Variants in CHRM5 observed in about 807,000 individuals in gnomAD.
The protein encoded by CHRM5 is cholinergic receptor muscarinic 5, also known as muscarinic acetylcholine receptor M5.
In CHRM5, 18 loss-of-function variants were observed where a neutral mutation model predicts 39.0. The ratio of observed to expected loss-of-function variants is 0.46; its 90% confidence interval spans 0.32 to 0.68. The LOEUF (loss-of-function observed/expected upper bound fraction) is 0.68, where lower values mean the gene tolerates loss of function less well. Ranked by LOEUF, CHRM5 falls within the 30% of genes least tolerant of loss-of-function variation. CHRM5 has a pLI of 0.04. For synonymous variants in CHRM5, 241 were observed against 246.3 expected, an observed-to-expected ratio of 0.98 and a Z score of 0.20; for missense variants, 515 against 651.1, an observed-to-expected ratio of 0.79 and a Z score of 2.28.
chr15:34,035,122 G>A (rs958137437), intron 1 of CHRM5, among the ~76,000 whole-genome samples: 1 of 152,094 alleles, frequency 6.6e-6, no homozygotes, highest in South Asian at 2.1e-4. Context: ...AAATGTCAAC[G>A]CCATCGGGTA....
intron 1 of CHRM5, among the ~76,000 whole-genome samples, chr15:34,028,131 A>G (rs1341284917): frequency 1.3e-5 from 2 of 152,248 alleles, no homozygotes; most frequent in African/African-American, 4.8e-5. Context: ...GGGAGACTTC[A>G]TGCTTCAAGC....
At chr15:34,038,867 G>A in intron 1 of CHRM5, 1 of 1,152,142 alleles carries the variant, frequency 8.7e-7, no homozygotes, top group Non-Finnish European at 1.1e-6. Flanking sequence ...CGCGAGCGCC[G>A]CGGAAGCCCC....
At position 34,063,009 on chromosome 15, in the gene CHRM5, C is replaced by T. The variant is rs777258099; in HGVS notation, c.292C>T (p.Leu98Phe). The change falls in exon 3 of 3, where the codon CTC becomes TTC. Residue 98 changes from leucine (L) to phenylalanine (F), a missense_variant. Transcript: ENST00000383263. This position sits in a 1 kb window ranked among gnomAD's most constrained non-coding sequence, Gnocchi z 4.1. ...TTYILMGRWA[L>F]GSLACDLWLA... ...CTACATCCTCATGGGACGCTGGGCT[C>T]TCGGGAGTCTGGCTTGTGACCTTTG... The T allele has an allele frequency of 2.6e-5, 42 of 1,614,112 alleles. No individual in the cohort carries two copies. The highest frequency in any genetic ancestry group is 3.5e-5 in the Non-Finnish European group (41 of 1,180,048).
intron 2 of CHRM5, among the ~76,000 whole-genome samples, chr15:34,052,330 A>G (rs1042761814): frequency 6.6e-6 from 1 of 151,948 alleles, no homozygotes; most frequent in Non-Finnish European, 1.5e-5. Flanking sequence ...TAAGCTAGGT[A>G]TTTAAAAAAC....
intron 2 of CHRM5, among the ~76,000 whole-genome samples, chr15:34,053,186 G>T (rs1443923852): frequency 6.6e-6 from 1 of 150,398 alleles, no homozygotes; most frequent in Non-Finnish European, 1.5e-5. Flanking sequence ...TACAGTCCCA[G>T]CTACTCAGGA....
chr15:34,035,202 T>C (rs574550380), intron 1 of CHRM5, among the ~76,000 whole-genome samples: 12 of 152,340 alleles, frequency 7.9e-5, no homozygotes, highest in African/African-American at 2.4e-4. Flanking sequence ...AGATTCTACT[T>C]TTTAGTACAA....
At chr15:34,027,813 T>A in intron 1 of CHRM5, among the ~76,000 whole-genome samples, 1 of 118,836 alleles carries the variant, frequency 8.4e-6, no homozygotes, top group African/African-American at 3.1e-5. Flanking sequence ...GAGGCAAGGA[T>A]CAGGTGAGGC....
intron 1 of CHRM5, among the ~76,000 whole-genome samples, chr15:34,034,076 C>T (rs1042356149): frequency 2.6e-5 from 4 of 152,154 alleles, no homozygotes; most frequent in Admixed American, 6.5e-5. Context: ...TGAGCCACTG[C>T]GCCCAGCCTA....
chr15:34,035,595 G>A lies in CHRM5; in HGVS notation c.-407-10945G>A, dbSNP rs561759446. Reference sequence around the variant, plus strand: ...TCTCCTAACTGTGAGTTATTTAACGGTGCCTCAGCTGTCTCATCTTATATT... The same window carrying A: ...TCTCCTAACTGTGAGTTATTTAACGATGCCTCAGCTGTCTCATCTTATATT... On this transcript the variant is annotated intron_variant, in intron 1 of 2. Transcript: ENST00000383263. Among the ~76,000 whole-genome samples the A allele has an allele frequency of 8.5e-5, 13 of 152,166 alleles. No homozygotes were observed. In the East Asian group the frequency reaches 1.3e-3, roughly 16 times the overall value.
At chr15:34,000,901 A>G (rs1220778562) in intron 1 of CHRM5, among the ~76,000 whole-genome samples, 1 of 152,216 alleles carries the variant, frequency 6.6e-6, no homozygotes, top group Non-Finnish European at 1.5e-5. Context: ...AAGCAAAGAG[A>G]CTACAAGAAA....
intron 1 of CHRM5, among the ~76,000 whole-genome samples, chr15:33,986,120 T>C (rs2140547478): frequency 6.7e-6 from 1 of 150,026 alleles, no homozygotes; most frequent in South Asian, 2.2e-4. Context: ...TGTTTTTTGT[T>C]TTTTGAGATG....
At chr15:34,036,469 T>C (rs142960399) in intron 1 of CHRM5, among the ~76,000 whole-genome samples, 31 of 152,314 alleles carry the variant, frequency 2.0e-4, no homozygotes, top group Admixed American at 1.6e-3. Flanking sequence ...TACTCTCTCC[T>C]TGGGGCACAA....
chr15:33,985,637 C>T (rs1287414697), intron 1 of CHRM5, among the ~76,000 whole-genome samples: 1 of 151,980 alleles, frequency 6.6e-6, no homozygotes, highest in African/African-American at 2.4e-5. Context: ...GAAAGGCAGG[C>T]ACTGTGTTGT....
intron 1 of CHRM5, among the ~76,000 whole-genome samples, chr15:34,042,168 C>A (rs1899499261): frequency 6.6e-6 from 1 of 152,126 alleles, no homozygotes; most frequent in African/African-American, 2.4e-5. Context: ...CAACCAGAGA[C>A]CTTTGGATTG....
intron 1 of CHRM5, among the ~76,000 whole-genome samples, chr15:34,029,120 T>A (rs1269906654): frequency 6.6e-6 from 1 of 152,088 alleles, no homozygotes; most frequent in Non-Finnish European, 1.5e-5. Flanking sequence ...TTCTCAGGCT[T>A]CCACAGCACC....
At chr15:33,986,859 A>G (rs916393317) in intron 1 of CHRM5, among the ~76,000 whole-genome samples, 4 of 152,184 alleles carry the variant, frequency 2.6e-5, no homozygotes, top group East Asian at 3.9e-4. Flanking sequence ...GGGTTTCACC[A>G]TGTTAGCCAG....
chr15:34,055,572 T>C (rs143350469), intron 2 of CHRM5, among the ~76,000 whole-genome samples: 2,659 of 151,604 alleles, frequency 0.018, 76 homozygotes, highest in African/African-American at 0.062. Flanking sequence ...GAGGCTGAGG[T>C]GGGCGGATCA....
At chr15:33,985,047 A>C (rs1362843678) in intron 1 of CHRM5, among the ~76,000 whole-genome samples, 1 of 152,072 alleles carries the variant, frequency 6.6e-6, no homozygotes, top group Non-Finnish European at 1.5e-5. Context: ...TCTGTATCCC[A>C]CAGCACTCTG....
intron 1 of CHRM5, among the ~76,000 whole-genome samples, chr15:34,005,111 A>C (rs1319248518): frequency 1.3e-5 from 2 of 152,160 alleles, no homozygotes. Flanking sequence ...CCCTCAGTAC[A>C]CATACTTCCA....
Sources: allele counts gnomAD v4.1 joint callset (sites outside exome capture counted in the v4.1 genomes callset), GRCh38; gene constraint gnomAD v4.1.1; non-coding constraint Gnocchi (gnomAD v3.1); transcripts MANE v1.5; gene names NCBI Gene and HGNC (gene_info 2026-07-23, HGNC 2026-07-21).